Variants in NCKAP5 observed in about 807,000 individuals in gnomAD.
NCKAP5 encodes nck-associated protein 5.
Under a neutral mutation model 167.0 loss-of-function variants are expected in NCKAP5, and 92 were observed. The ratio of observed to expected loss-of-function variants is 0.55; its 90% CI spans 0.47 to 0.66. The LOEUF (loss-of-function observed/expected upper bound fraction) is 0.66, where lower values mean the gene tolerates loss of function less well. NCKAP5 is among the 30% of genes least tolerant of loss of function. The pLI is 0.00. For synonymous variants in NCKAP5, 891 were observed against 877.4 expected, an observed-to-expected ratio of 1.02 and a Z score of -0.27; for missense variants, 2,378 against 2,315.0, an observed-to-expected ratio of 1.03 and a Z score of -0.56.
At chr2:133,180,677 G>T (rs1349770794) in intron 5 of NCKAP5, among the ~76,000 whole-genome samples, 1 of 152,038 alleles carries the variant, frequency 6.6e-6, no homozygotes, top group East Asian at 1.9e-4. Context: ...AAACAGAAAT[G>T]ATAAAGAAGT....
chr2:133,118,140 C>T (rs1216252767), intron 6 of NCKAP5: 3 of 152,124 alleles, frequency 2.0e-5, no homozygotes, highest in Non-Finnish European at 4.4e-5. Flanking sequence ...TTCTCCCTGT[C>T]TTATAGCAAA....
intron 11 of NCKAP5, among the ~76,000 whole-genome samples, chr2:132,820,296 C>T (rs1196914851): frequency 4.6e-5 from 7 of 151,728 alleles, no homozygotes; most frequent in Non-Finnish European, 1.0e-4. Context: ...GTGGTGCAAT[C>T]TCAGCTCACT....
the NCKAP5 span, among the ~76,000 whole-genome samples, chr2:133,606,288 TA>T: frequency 2.0e-5 from 3 of 152,208 alleles, no homozygotes; most frequent in Non-Finnish European, 4.4e-5. Flanking sequence ...ATAAGCATGT[TA>T]AACATTCTAA....
chr2:133,122,673 CA>C (rs2082286277), intron 6 of NCKAP5: 1 of 152,076 alleles, frequency 6.6e-6, no homozygotes, highest in African/African-American at 2.4e-5. Flanking sequence ...TTTCTAATCT[CA>C]ACTTCTCCAG....
intron 3 of NCKAP5, among the ~76,000 whole-genome samples, chr2:133,450,171 G>A (rs894718576): frequency 1.3e-5 from 2 of 152,034 alleles, no homozygotes; most frequent in African/African-American, 2.4e-5. Context: ...CAATTTAAAG[G>A]TTTAAAAGAA....
intron 3 of NCKAP5, among the ~76,000 whole-genome samples, chr2:133,322,881 T>C (rs1440084849): frequency 6.6e-6 from 1 of 152,172 alleles, no homozygotes; most frequent in Non-Finnish European, 1.5e-5. Context: ...ATTCAGCACA[T>C]CTGGGGTGAG....
rs146798709 is a variant in NCKAP5 at position 133,423,629 on chromosome 2, G to A, written c.69+93829C>T. 4.3e-3 allele frequency among the ~76,000 whole-genome samples: 654 copies of A among 152,226 alleles called. 4 individuals are homozygous for A. Among genetic ancestry groups the A allele is most frequent in the Middle Eastern group, 0.017 (5 of 294 alleles). ...CATTTATCTTGCAATCCCACTAGAA[G>A]GACAAGGTGCTATGTGACCTTTAGT... On this transcript the variant is annotated intron_variant, in intron 3 of 19. Coordinates refer to ENST00000409261, the MANE Select transcript of NCKAP5 (RefSeq NM_207363.3).
At chr2:133,626,153 G>T in the NCKAP5 span, among the ~76,000 whole-genome samples, 1 of 152,098 alleles carries the variant, frequency 6.6e-6, no homozygotes, top group African/African-American at 2.4e-5. Flanking sequence ...TTAGAATACT[G>T]CCCCTTAGTT....
At chr2:132,870,974 G>A (rs772646180) in intron 9 of NCKAP5, among the ~76,000 whole-genome samples, 1 of 151,956 alleles carries the variant, frequency 6.6e-6, no homozygotes, top group Non-Finnish European at 1.5e-5. Context: ...CCCATCAGAA[G>A]TCTTTTCAAA....
rs1479555784 is a variant in NCKAP5, at chr2:133,441,255, A to G, written c.69+76203T>C. Among the ~76,000 whole-genome samples the G allele has an allele frequency of 2.0e-5, 3 of 152,238 alleles. No homozygotes were observed. In the East Asian group the frequency reaches 5.8e-4, roughly 29 times the overall value. On this transcript the variant is annotated intron_variant, in intron 3 of 19. Coordinates refer to ENST00000409261, the MANE Select transcript of NCKAP5 (RefSeq NM_207363.3). ...GGAGAGAAGAAGCTGGACTAGGAAGATGGAGTTGACGCTATACCTGACATT... is the reference window on the plus strand; with the variant it reads ...GGAGAGAAGAAGCTGGACTAGGAAGGTGGAGTTGACGCTATACCTGACATT...
At chr2:132,853,424 C>A (rs955804013) in intron 11 of NCKAP5, among the ~76,000 whole-genome samples, 2 of 152,136 alleles carry the variant, frequency 1.3e-5, no homozygotes, top group Non-Finnish European at 2.9e-5. Context: ...GATCTCCGAG[C>A]ATGAGAGTTT....
intron 3 of NCKAP5, among the ~76,000 whole-genome samples, chr2:133,305,157 T>C (rs1162396777): frequency 1.3e-5 from 2 of 152,186 alleles, no homozygotes; most frequent in Non-Finnish European, 2.9e-5. Context: ...CAGGACCAAA[T>C]CATGTGCAAG....
chr2:132,847,326 T>C (rs1688737402), intron 11 of NCKAP5, among the ~76,000 whole-genome samples: 1 of 152,198 alleles, frequency 6.6e-6, no homozygotes, highest in South Asian at 2.1e-4. Context: ...CTCTAAAATA[T>C]ACACACACAA....
intron 3 of NCKAP5, among the ~76,000 whole-genome samples, chr2:133,387,986 G>A (rs749915711): frequency 5.3e-5 from 8 of 152,102 alleles, no homozygotes; most frequent in Non-Finnish European, 7.3e-5. Context: ...CGATGGGTTC[G>A]ATCTTCCTCC....
intron 19 of NCKAP5, among the ~76,000 whole-genome samples, chr2:132,703,005 C>T (rs897467997): frequency 2.0e-5 from 3 of 151,906 alleles, no homozygotes; most frequent in Non-Finnish European, 4.4e-5. Flanking sequence ...ATAGTGAGAC[C>T]CTGTCCCTAC....
intron 19 of NCKAP5, 103 bp downstream of exon 19, chr2:132,725,524 A>G: frequency 2.2e-6 from 3 of 1,371,490 alleles, no homozygotes; most frequent in Non-Finnish European, 2.9e-6. Flanking sequence ...ATGAAGAAAA[A>G]ACATAAAATC....
At chr2:133,243,351 T>C (rs962199540) in intron 4 of NCKAP5, among the ~76,000 whole-genome samples, 2 of 152,164 alleles carry the variant, frequency 1.3e-5, no homozygotes, top group Non-Finnish European at 2.9e-5. Context: ...AGACACTAGA[T>C]TGAATGAAGC....
chr2:133,093,416 G>T lies in NCKAP5; in HGVS notation c.341+36562C>A, dbSNP rs144235643. Among the ~76,000 whole-genome samples the T allele has an allele frequency of 5.6e-4, 86 of 152,238 alleles. 1 individual carries two copies. Among genetic ancestry groups the T allele is most frequent in the African/African-American group, 1.9e-3 (77 of 41,536 alleles). On this transcript the variant is annotated intron_variant, in intron 6 of 19. Transcript: ENST00000409261. ...AATACCACTTATGTTGCCTGAATTTGTTCACATTACTATTCACGAAGCTTG... is the reference window on the plus strand; with the variant it reads ...AATACCACTTATGTTGCCTGAATTTTTTCACATTACTATTCACGAAGCTTG...
chr2:133,018,920 C>T (rs986632466), intron 6 of NCKAP5, among the ~76,000 whole-genome samples: 1 of 152,166 alleles, frequency 6.6e-6, no homozygotes, highest in African/African-American at 2.4e-5. Context: ...TACCCTTTAG[C>T]CTTGTTGCTA....
Sources: allele counts gnomAD v4.1 joint callset (sites outside exome capture counted in the v4.1 genomes callset), GRCh38; gene constraint gnomAD v4.1.1; transcripts MANE v1.5; gene names NCBI Gene and HGNC (gene_info 2026-07-23, HGNC 2026-07-21).